ARHGEF16: variants seen among roughly 807,000 people sequenced by gnomAD.
ARHGEF16 encodes Rho guanine nucleotide exchange factor 16.
A neutral mutation model predicts 74.1 loss-of-function variants in ARHGEF16; 59 were observed. That is an observed-to-expected ratio of 0.80 (90% CI 0.65 to 0.99). ARHGEF16 has a LOEUF of 0.99. Among genes scored for constraint, ARHGEF16 ranks in the 50% least tolerant of loss-of-function variants. The pLI, the probability that ARHGEF16 is intolerant of heterozygous loss-of-function variation, is 0.00. For synonymous variants in ARHGEF16, 415 were observed against 412.6 expected, an observed-to-expected ratio of 1.01 and a Z score of -0.07; for missense variants, 948 against 986.6, an observed-to-expected ratio of 0.96 and a Z score of 0.52.
At chr1:3,471,729 G>A in intron 6 of ARHGEF16, 1 of 1,217,070 alleles carries the variant, frequency 8.2e-7, no homozygotes, top group Admixed American at 3.2e-5. Context: ...TCCTCCCCCA[G>A]CTGGGCCCCC....
intron 6 of ARHGEF16, among the ~76,000 whole-genome samples, chr1:3,472,160 C>A (rs892887028): frequency 1.2e-4 from 18 of 152,232 alleles, no homozygotes; most frequent in African/African-American, 4.1e-4. Context: ...TGGCGGCGGC[C>A]TGGAGACACG....
At position 3,477,229 on chromosome 1, in the gene ARHGEF16, G is replaced by A. The variant is rs199735185; in HGVS notation, c.1474-646G>A. Among the ~76,000 whole-genome samples, 4 of 40,454 alleles carry A rather than the reference G, an allele frequency of 9.9e-5. No homozygotes were observed. In the East Asian group the frequency reaches 3.0e-3, roughly 31 times the overall value. 26.5% of individuals were successfully genotyped at this position (40,454 alleles called of 152,430 possible). ...CAGTCGCTGAGGAGCGGGAGCTGGT[G>A]GGCAGGCTCCTCATTCCCACTCTGC... On this transcript the variant is annotated intron_variant, in intron 10 of 14. Transcript: ENST00000378378.
At chr1:3,478,642 A>G (rs1297395763) in intron 12 of ARHGEF16, 30 bp downstream of exon 12, 3 of 1,577,774 alleles carry the variant, frequency 1.9e-6, no homozygotes, top group African/African-American at 2.7e-5. Context: ...GGCTGTTCCC[A>G]GGCCACAGGC....
chr1:3,468,686 C>T lies in ARHGEF16; in HGVS notation c.805-194C>T, dbSNP rs1417897. Reference sequence around the variant, plus strand: ...GGGGGAGCGGGGGGCTGACCCAAGGCGGGTTACACAGAGAGGAAGGTGACG... The same window carrying T: ...GGGGGAGCGGGGGGCTGACCCAAGGTGGGTTACACAGAGAGGAAGGTGACG... On this transcript the variant is annotated intron_variant, in intron 4 of 14. Transcript: ENST00000378378. The T allele has an allele frequency of 9.5e-6, 6 of 630,094 alleles. No homozygotes were observed. The Admixed American group carries it at 1.0e-4, about 11-fold the overall frequency. 39.0% of individuals were successfully genotyped at this position (630,094 alleles called of 1,614,324 possible).
At chr1:3,478,122 C>A in intron 11 of ARHGEF16, 96 bp downstream of exon 11, 1 of 1,530,828 alleles carries the variant, frequency 6.5e-7, no homozygotes. Context: ...GCCCTGAGCC[C>A]CTCTGACCTC....
rs748191354 is a variant in ARHGEF16, at chr1:3,479,802, C to T, written c.1889-10C>T. ...CCCGACAGCCCTGTGATGGCCACTG[C>T]CCTATGCAGACCTGCCCCAGGTGGA... On this transcript the variant is annotated splice_polypyrimidine_tract_variant and intron_variant, in intron 13 of 14. Transcript: ENST00000378378. The T allele has an allele frequency of 3.1e-6, 5 of 1,611,298 alleles. No individual in the cohort carries two copies. The South Asian group carries it at 5.5e-5, about 18-fold the overall frequency.
At position 3,476,165 on chromosome 1, in the gene ARHGEF16, T is replaced by C. The variant is rs576215689; in HGVS notation, c.1473+103T>C. 39 of 1,260,638 alleles carry C rather than the reference T, an allele frequency of 3.1e-5. No individual in the cohort carries two copies. The East Asian group carries it at 3.5e-4, about 11-fold the overall frequency. The allele number at this position is 1,260,638 out of a possible 1,614,324, so 78.1% of individuals were successfully genotyped here. ...ACCCCTGAGCCTGAGGGCTGGAGAG[T>C]GGGTGCCTGCCCTCATGAGGCCTGG... On this transcript the variant is annotated intron_variant, in intron 10 of 14. Coordinates refer to ENST00000378378, the MANE Select transcript of ARHGEF16 (RefSeq NM_014448.4).
rs751949521 is a variant in ARHGEF16, at chr1:3,480,812, C to T, written c.*225C>T. 3.2e-6 allele frequency: 2 copies of T among 618,922 alleles called. No individual in the cohort carries two copies. Among genetic ancestry groups the T allele is most frequent in the Non-Finnish European group, 5.5e-6 (2 of 365,452 alleles). The allele number at this position is 618,922 out of a possible 1,614,324, so 38.3% of individuals were successfully genotyped here. On this transcript the variant is annotated 3_prime_UTR_variant, in exon 15 of 15. Transcript: ENST00000378378. Reference sequence around the variant, plus strand: ...CAAGCTCGAGGGGGCCACACCGTGTCCCAGGGAGCCCAGCCTATTCCCGTT... The same window carrying T: ...CAAGCTCGAGGGGGCCACACCGTGTTCCAGGGAGCCCAGCCTATTCCCGTT...
In ARHGEF16 at chr1:3,480,715, T is replaced by C; in HGVS notation, c.*128T>C. ...GGTTCCCTGGGGCTTCCCAAGAGCC[T>C]GTGGCTGTGGTGCCGGGCTCCAGAC... On this transcript the variant is annotated 3_prime_UTR_variant, in exon 15 of 15. Transcript: ENST00000378378. 1 of 1,280,056 alleles carries C rather than the reference T, an allele frequency of 7.8e-7. No individual in the cohort carries two copies. The highest frequency in any genetic ancestry group is 2.6e-5 in the East Asian group (1 of 39,108). The allele number at this position is 1,280,056 out of a possible 1,614,324, so 79.3% of individuals were successfully genotyped here.
intron 14 of ARHGEF16, 88 bp from the exon 15 acceptor site, chr1:3,480,360 C>T (rs1053620727): frequency 1.3e-6 from 2 of 1,547,406 alleles, no homozygotes; most frequent in Non-Finnish European, 1.8e-6. Context: ...AGAAGCCTGG[C>T]CCTGGTGTGC....
intron 8 of ARHGEF16, 98 bp from the exon 9 acceptor site, chr1:3,474,610 A>C (rs1460655001): frequency 3.3e-6 from 4 of 1,196,894 alleles, no homozygotes; most frequent in Non-Finnish European, 5.0e-6. Flanking sequence ...GCAGCTGTTG[A>C]CCACCCTGCA....
chr1:3,477,323 C>T, intron 10 of ARHGEF16, among the ~76,000 whole-genome samples: 1 of 151,418 alleles, frequency 6.6e-6, no homozygotes, highest in African/African-American at 2.4e-5. Flanking sequence ...CACTACCCAC[C>T]CCATCACCCC....
chr1:3,464,535 C>T (rs2100738312), intron 2 of ARHGEF16, among the ~76,000 whole-genome samples: 1 of 152,298 alleles, frequency 6.6e-6, no homozygotes, highest in African/African-American at 2.4e-5. Flanking sequence ...ATCAGGAGGC[C>T]CTGGCAGCCC....
At chr1:3,471,555 T>A in intron 6 of ARHGEF16, 1 of 868,054 alleles carries the variant, frequency 1.2e-6, no homozygotes, top group Non-Finnish European at 1.4e-6. Flanking sequence ...GGGGGAGGGG[T>A]CTGGGATAGC....
At chr1:3,459,797 G>T (rs987211469) in intron 1 of ARHGEF16, among the ~76,000 whole-genome samples, 1 of 152,154 alleles carries the variant, frequency 6.6e-6, no homozygotes, top group Non-Finnish European at 1.5e-5. Context: ...GGGGCTCAGC[G>T]CCTTCTGCCG....
chr1:3,470,302 G>T lies in ARHGEF16; in HGVS notation c.1022+709G>T, dbSNP rs1245491754. 6.5e-5 allele frequency among the ~76,000 whole-genome samples: 9 copies of T among 138,960 alleles called. No homozygotes were observed. The South Asian group carries it at 1.7e-3, about 26-fold the overall frequency. The allele number at this position is 138,960 out of a possible 152,430, so 91.2% of individuals were successfully genotyped here. On this transcript the variant is annotated intron_variant, in intron 6 of 14. Transcript: ENST00000378378. ...CAAGGGTGTGTATGCATGGGCAGGG[G>T]TGTCTGCACGGGTGTGTCTGCACGG...
At chr1:3,465,961 G>A in intron 2 of ARHGEF16, 187 bp from the exon 3 acceptor site, 1 of 634,284 alleles carries the variant, frequency 1.6e-6, no homozygotes, top group Admixed American at 3.1e-5. Context: ...TGTCCTGCCT[G>A]CTCTGAGCCC....
Position 3,478,474 on chromosome 1 carries a change from TGGAGAAGATAG to T in ARHGEF16, c.1677_1687del (p.Glu560AlafsTer3). The T allele has an allele frequency of 6.2e-7, 1 of 1,612,314 alleles. No individual in the cohort carries two copies. The highest frequency in any genetic ancestry group is 8.5e-7 in the Non-Finnish European group (1 of 1,179,718). On this transcript the variant is annotated frameshift_variant, in exon 12 of 15. Transcript: ENST00000378378. LOFTEE classifies it high-confidence loss of function. ...TACGCCCAGATGAACCACATCCAGG[TGGAGAAGATAG>T]AGCCGTCTGAGCTCCCTCTGCCCGG...
chr1:3,472,440 GC>G (rs35594591), intron 6 of ARHGEF16, among the ~76,000 whole-genome samples: 21,293 of 151,384 alleles, frequency 0.14, 2,160 homozygotes, highest in African/African-American at 0.27. Flanking sequence ...CCCACAGCTG[GC>G]CCCCCCCCGG....
Sources: gnomAD v4.1 joint callset for allele counts (sites outside exome capture counted in the v4.1 genomes callset) on GRCh38, gnomAD v4.1.1 for gene constraint, MANE v1.5 for transcripts, NCBI Gene and HGNC (gene_info 2026-07-23, HGNC 2026-07-21) for gene names.